ROBO2: variants seen among roughly 807,000 people sequenced by gnomAD.
ROBO2 encodes the protein roundabout guidance receptor 2, also known as roundabout homolog 2.
In ROBO2, 53 loss-of-function variants were observed where a neutral mutation model predicts 160.8. That is an observed-to-expected ratio of 0.33 (90% CI 0.26 to 0.41). The LOEUF (loss-of-function observed/expected upper bound fraction) is 0.41. ROBO2 is among the 10% of genes least tolerant of loss of function. The pLI is 1.00. For missense variants in ROBO2, 1,577 were observed against 1,722.4 expected (o/e 0.92, Z 1.49); for synonymous variants, 664 against 611.7 (o/e 1.09, Z -1.26).
chr3:77,141,165 A>T (rs1188094842), intron 2 of ROBO2, among the ~76,000 whole-genome samples: 1 of 152,194 alleles, frequency 6.6e-6, no homozygotes, highest in Non-Finnish European at 1.5e-5. Flanking sequence ...TTTATCCCAG[A>T]TTCTTGAGAA....
chr3:76,167,449 CTCTGGATTAAATTTA>C (rs2072877680), intron 2 of ROBO2, among the ~76,000 whole-genome samples: 1 of 152,136 alleles, frequency 6.6e-6, no homozygotes, highest in Non-Finnish European at 1.5e-5. Flanking sequence ...GACAATGTCC[CTCTGGATTAAATTTA>C]TCTTCTTCGG....
chr3:77,175,684 T>A (rs944516936), intron 2 of ROBO2, among the ~76,000 whole-genome samples: 7 of 151,858 alleles, frequency 4.6e-5, no homozygotes, highest in African/African-American at 1.7e-4. Flanking sequence ...ATTTACAGGA[T>A]TGGCCAAGCT....
chr3:77,538,023 TA>T (rs200475293), intron 6 of ROBO2, among the ~76,000 whole-genome samples: 2,973 of 152,058 alleles, frequency 0.02, 43 homozygotes, highest in Non-Finnish European at 0.029. Context: ...TACTATGGAA[TA>T]AGGATTTTTA....
chr3:77,568,263 T>A (rs1276977085), intron 12 of ROBO2, 50 bp from the exon 14 acceptor site: 1 of 1,601,374 alleles, frequency 6.2e-7, no homozygotes, highest in Non-Finnish European at 8.5e-7. Flanking sequence ...TAAATTGTAA[T>A]TTTAATATGA....
chr3:77,399,333 C>T (rs181476291), intron 2 of ROBO2, among the ~76,000 whole-genome samples: 79 of 152,210 alleles, frequency 5.2e-4, no homozygotes, highest in Admixed American at 4.3e-3. Context: ...GCACATATTC[C>T]TTGGTGACAA....
intron 2 of ROBO2, among the ~76,000 whole-genome samples, chr3:76,883,216 A>T (rs1577236991): frequency 6.6e-6 from 1 of 152,306 alleles, no homozygotes; most frequent in African/African-American, 2.4e-5. Flanking sequence ...TAAAATCCTC[A>T]TTGGAAAATT....
chr3:76,760,453 T>C (rs2061240129), intron 2 of ROBO2, among the ~76,000 whole-genome samples: 1 of 151,648 alleles, frequency 6.6e-6, no homozygotes, highest in Non-Finnish European at 1.5e-5. Context: ...CAAGAACACT[T>C]CTTCTATAGC....
At position 77,295,873 on chromosome 3, in the gene ROBO2, C is replaced by T. The variant is rs973347093; in HGVS notation, c.389-181541C>T. 2.7e-5 allele frequency among the ~76,000 whole-genome samples: 4 copies of T among 145,928 alleles called. No homozygotes were observed. The East Asian group carries it at 8.3e-4, about 30-fold the overall frequency. On this transcript the variant is annotated intron_variant, in intron 2 of 25. Transcript: ENST00000461745. Reference sequence around the variant, plus strand: ...TAAGCTGAGGCTAGATCACCCCAGACACAAAGTAAAATTGACGGTTAAACG... The same window carrying T: ...TAAGCTGAGGCTAGATCACCCCAGATACAAAGTAAAATTGACGGTTAAACG...
At chr3:76,139,099 G>C (rs540866301) in intron 2 of ROBO2, among the ~76,000 whole-genome samples, 1 of 152,238 alleles carries the variant, frequency 6.6e-6, no homozygotes, top group Admixed American at 6.5e-5. Context: ...AAATGTATTA[G>C]AGCGTGTACT....
chr3:76,422,818 A>G (rs1325754394), intron 2 of ROBO2, among the ~76,000 whole-genome samples: 1 of 152,198 alleles, frequency 6.6e-6, no homozygotes, highest in Non-Finnish European at 1.5e-5. Context: ...AAGTTAGTCC[A>G]CTCATCCATA....
At position 76,699,906 on chromosome 3, in the gene ROBO2, T is replaced by C. The variant is rs77184537; in HGVS notation, c.110-398108T>C. Among the ~76,000 whole-genome samples, 1,178 of 152,236 alleles carry C rather than the reference T, an allele frequency of 7.7e-3. 22 individuals are homozygous for C. The highest frequency in any genetic ancestry group is 0.027 in the African/African-American group (1,128 of 41,544). On this transcript the variant is annotated intron_variant, in intron 2 of 26. Transcript: ENST00000487694. ...TTCTCTGTAACACTATGGATATTGCTGCTAAATGAATGTCTCCTGTTGAGG... is the reference window on the plus strand; with the variant it reads ...TTCTCTGTAACACTATGGATATTGCCGCTAAATGAATGTCTCCTGTTGAGG...
At chr3:77,237,333 A>C (rs1393301090) in intron 2 of ROBO2, among the ~76,000 whole-genome samples, 1 of 151,414 alleles carries the variant, frequency 6.6e-6, no homozygotes, top group African/African-American at 2.4e-5. Context: ...CCCAAGTAGC[A>C]GGGACCATAC....
At chr3:77,245,555 C>A (rs2089627129) in intron 2 of ROBO2, among the ~76,000 whole-genome samples, 3 of 152,154 alleles carry the variant, frequency 2.0e-5, no homozygotes, top group African/African-American at 7.2e-5. Flanking sequence ...TTTATTTCTT[C>A]TTTGTGCTCC....
chr3:76,617,332 G>GA (rs2088670241), intron 2 of ROBO2, among the ~76,000 whole-genome samples: 1 of 151,938 alleles, frequency 6.6e-6, no homozygotes, highest in Non-Finnish European at 1.5e-5. Context: ...CTTGAATGGG[G>GA]AACCCCTGGA....
chr3:76,619,039 A>T (rs535855055), intron 2 of ROBO2, among the ~76,000 whole-genome samples: 1 of 151,862 alleles, frequency 6.6e-6, no homozygotes, highest in East Asian at 1.9e-4. Flanking sequence ...AGAGTGAGAG[A>T]AAAAGGAAAG....
At chr3:76,081,029 A>G (rs1369510717) in intron 2 of ROBO2, among the ~76,000 whole-genome samples, 1 of 152,136 alleles carries the variant, frequency 6.6e-6, no homozygotes, top group Non-Finnish European at 1.5e-5. Context: ...TTTTAAAAAG[A>G]CAGCTCTTTA....
At chr3:76,615,683 A>C (rs903233765) in intron 2 of ROBO2, among the ~76,000 whole-genome samples, 1 of 152,236 alleles carries the variant, frequency 6.6e-6, no homozygotes, top group Admixed American at 6.5e-5. Context: ...ACATAGTTTC[A>C]CCTTGTTAAT....
chr3:76,143,902 G>T (rs1325387954), intron 2 of ROBO2, among the ~76,000 whole-genome samples: 1 of 151,960 alleles, frequency 6.6e-6, no homozygotes, highest in Admixed American at 6.6e-5. Flanking sequence ...TGTAAGGTGG[G>T]AGAACAGTGT....
At position 76,619,316 on chromosome 3, in the gene ROBO2, G is replaced by C. The variant is rs554940225; in HGVS notation, c.110-478698G>C. Among the ~76,000 whole-genome samples, 96 of 148,488 alleles carry C rather than the reference G, an allele frequency of 6.5e-4. 4 individuals are homozygous for C. Among genetic ancestry groups the C allele is most frequent in the Non-Finnish European group, 1.6e-4 (11 of 67,136 alleles). On this transcript the variant is annotated intron_variant, in intron 2 of 26. Coordinates refer to the ROBO2 transcript ENST00000487694. ...GATCGCGCCACTGCACTCCAGCCTG[G>C]GCGACAGAGCGAGACTCCGTCTCAA...
Sources: gnomAD v4.1 joint callset for allele counts (sites outside exome capture counted in the v4.1 genomes callset) on GRCh38, gnomAD v4.1.1 for gene constraint, MANE v1.5 for transcripts, NCBI Gene and HGNC (gene_info 2026-07-23, HGNC 2026-07-21) for gene names.